The following POU2F1 variants were observed in gnomAD, a reference collection of about 807,000 sequenced individuals.
POU2F1 encodes POU class 2 homeobox 1.
POU2F1 carries 16 observed loss-of-function variants against 84.9 expected under a neutral mutation model. That is an observed-to-expected ratio of 0.19 (90% CI 0.13 to 0.29). The LOEUF (loss-of-function observed/expected upper bound fraction) is 0.29. Among genes scored for constraint, POU2F1 ranks in the 10% least tolerant of loss-of-function variants. The pLI, the probability that POU2F1 is intolerant of heterozygous loss-of-function variation, is 1.00. For missense variants in POU2F1, 738 were observed against 942.6 expected (o/e 0.78, Z 2.84); for synonymous variants, 368 against 368.3 (o/e 1.00, Z 0.01).
chr1:167,425,766 C>T lies in POU2F1; in HGVS notation c.*9956C>T, dbSNP rs1027640403. 1 of 152,216 alleles carries T rather than the reference C, an allele frequency of 6.6e-6. No individual in the cohort carries two copies. Among genetic ancestry groups the T allele is most frequent in the Non-Finnish European group, 1.5e-5 (1 of 68,068 alleles). 9.4% of individuals were successfully genotyped at this position (152,216 alleles called of 1,614,324 possible). On this transcript the variant is annotated 3_prime_UTR_variant, in exon 16 of 16. Coordinates refer to ENST00000367866, the MANE Select transcript of POU2F1 (RefSeq NM_002697.4). ...ATGCACGCCACGGTGCCCTTCTGAG[C>T]CTTTTTTTCTTTTCCTGTACTGGAA...
At chr1:167,306,456 C>A (rs1034362115) in intron 1 of POU2F1, among the ~76,000 whole-genome samples, 1 of 152,074 alleles carries the variant, frequency 6.6e-6, no homozygotes, top group African/African-American at 2.4e-5. Flanking sequence ...AAATATTTAT[C>A]AAGATATAAT....
chr1:167,389,456 G>C, intron 8 of POU2F1, 132 bp from the exon 9 acceptor site: 3 of 860,192 alleles, frequency 3.5e-6, no homozygotes, highest in Non-Finnish European at 3.6e-6. Flanking sequence ...ACATTATGTT[G>C]TACATTCTGT....
At chr1:167,272,160 G>A (rs779302345) in intron 1 of POU2F1, among the ~76,000 whole-genome samples, 1 of 152,122 alleles carries the variant, frequency 6.6e-6, no homozygotes, top group Non-Finnish European at 1.5e-5. Context: ...AGAATGAACA[G>A]TATACAGTTT....
chr1:167,225,670 A>G (rs1208224757), intron 1 of POU2F1, among the ~76,000 whole-genome samples: 1 of 152,254 alleles, frequency 6.6e-6, no homozygotes, highest in African/African-American at 2.4e-5. Flanking sequence ...TCTATTAAAA[A>G]TTGAAATATT....
Position 167,415,572 on chromosome 1 carries a change from G to C in POU2F1, c.2063G>C (p.Gly688Ala), listed in dbSNP as rs1204722069. Residue 688 changes from glycine to alanine, a missense_variant, in exon 16 of 16, where the codon GGA becomes GCA. By Grantham distance (60) the Gly-to-Ala change is moderately conservative (BLOSUM62 0). Around this residue, in one of 4 missense-constraint regions of POU2F1, gnomAD observed 319 missense variants for 386.0 expected, o/e 0.83. Coordinates refer to ENST00000367866, the MANE Select transcript of POU2F1 (RefSeq NM_002697.4). ...ATGNLVFANA[G>A]GAPNIVTAPL... ...GGGAACCTGGTATTTGCCAATGCGGGAGGAGCCCCCAACATCGTGACTGCC... is the reference window on the plus strand; with the variant it reads ...GGGAACCTGGTATTTGCCAATGCGGCAGGAGCCCCCAACATCGTGACTGCC... 3.7e-6 allele frequency: 6 copies of C among 1,614,014 alleles called. No individual in the cohort carries two copies. Among genetic ancestry groups the C allele is most frequent in the Non-Finnish European group, 5.1e-6 (6 of 1,180,040 alleles).
At chr1:167,362,549 A>G (rs1339244660) in intron 2 of POU2F1, among the ~76,000 whole-genome samples, 1 of 152,186 alleles carries the variant, frequency 6.6e-6, no homozygotes, top group Non-Finnish European at 1.5e-5. Context: ...GGGAATAGTT[A>G]GGCCATCACC....
rs572310893 is a variant in POU2F1 at position 167,372,148 on chromosome 1, G to A, written c.402+112G>A. On this transcript the variant is annotated intron_variant, in intron 5 of 15. Transcript: ENST00000367866. The stretch of plus-strand genomic sequence containing the variant: ...GCTGGTAGTAACATGGCTATGCCTG[G>A]CACTATTGTGTCTTTAAGGAACTTC... 673 of 1,354,428 alleles carry A rather than the reference G, an allele frequency of 5.0e-4. 1 individual carries two copies. Among genetic ancestry groups the A allele is most frequent in the Non-Finnish European group, 6.3e-4 (625 of 995,782 alleles). The allele number at this position is 1,354,428 out of a possible 1,614,324, so 83.9% of individuals were successfully genotyped here.
At chr1:167,230,365 C>G (rs1005876993) in intron 1 of POU2F1, among the ~76,000 whole-genome samples, 1 of 152,054 alleles carries the variant, frequency 6.6e-6, no homozygotes, top group Non-Finnish European at 1.5e-5. Flanking sequence ...GTTACTTCAC[C>G]ATGGATTTTT....
rs144501162 is a variant in POU2F1 at position 167,371,934 on chromosome 1, A to G, written c.300A>G (p.Glu100=). ...CACCTCAGTCTAAATCTAATGAAGA[A>G]TCGGGGGATTCGCAGCAGCCAAGCC... ...SLNVQSKSNE[E]SGDSQQPSQP... Residue 100 remains glutamate, a synonymous_variant, in exon 5 of 16, where the codon GAA becomes GAG. Coordinates refer to ENST00000367866, the MANE Select transcript of POU2F1 (RefSeq NM_002697.4). The G allele has an allele frequency of 6.2e-7, 1 of 1,614,088 alleles. No individual in the cohort carries two copies. Among genetic ancestry groups the G allele is most frequent in the Non-Finnish European group, 8.5e-7 (1 of 1,180,024 alleles).
chr1:167,288,853 T>G (rs1166125190), intron 1 of POU2F1, among the ~76,000 whole-genome samples: 4 of 152,224 alleles, frequency 2.6e-5, no homozygotes, highest in African/African-American at 9.6e-5. Context: ...GTTCTCAGAT[T>G]TCACAATCAT....
rs114653406 is a variant in POU2F1, at chr1:167,290,544, T to C, written c.62-41926T>C. Reference sequence around the variant, plus strand: ...TATGTCTGTCCTAACTTGTCATCCATCCAGCTGAAGCGTCTCAAGGTCAGA... The same window carrying C: ...TATGTCTGTCCTAACTTGTCATCCACCCAGCTGAAGCGTCTCAAGGTCAGA... On this transcript the variant is annotated intron_variant, in intron 1 of 15. Transcript: ENST00000367866. Among the ~76,000 whole-genome samples, 482 of 152,352 alleles carry C rather than the reference T, an allele frequency of 3.2e-3. 2 individuals are homozygous for C. The highest frequency in any genetic ancestry group is 0.011 in the African/African-American group (454 of 41,582).
chr1:167,379,683 G>A (rs1187962901), intron 7 of POU2F1: 1 of 152,214 alleles, frequency 6.6e-6, no homozygotes, highest in Admixed American at 6.5e-5. Context: ...GAAAGACTTA[G>A]GAAGGTCAAT....
intron 1 of POU2F1, among the ~76,000 whole-genome samples, chr1:167,262,052 A>C (rs1651606359): frequency 6.6e-6 from 1 of 152,212 alleles, no homozygotes; most frequent in Non-Finnish European, 1.5e-5. Flanking sequence ...TGTACCTAAG[A>C]ATAGAACCTT....
chr1:167,298,898 T>G (rs1654463063), intron 1 of POU2F1, among the ~76,000 whole-genome samples: 1 of 152,148 alleles, frequency 6.6e-6, no homozygotes, highest in South Asian at 2.1e-4. Context: ...GCACGGTGGC[T>G]CATGCCTGTA....
At chr1:167,332,443 A>G in intron 1 of POU2F1, 27 bp from the exon 2 acceptor site, 1 of 1,582,426 alleles carries the variant, frequency 6.3e-7, no homozygotes, top group Non-Finnish European at 8.7e-7. Context: ...TTTTTTAAAA[A>G]CCTTATTCTC....
chr1:167,236,124 G>C (rs188016056), intron 1 of POU2F1, among the ~76,000 whole-genome samples: 5 of 149,584 alleles, frequency 3.3e-5, no homozygotes, highest in Admixed American at 6.7e-5. Context: ...TTTTTTTTTA[G>C]ACAGACGATT....
At chr1:167,279,427 G>T (rs11584337) in intron 1 of POU2F1, among the ~76,000 whole-genome samples, 23,141 of 152,110 alleles carry the variant, frequency 0.15, 2,008 homozygotes, top group Non-Finnish European at 0.2. Flanking sequence ...ACCTACCCTC[G>T]CAATCCAGAT....
chr1:167,368,830 A>G (rs1557932589), intron 3 of POU2F1, among the ~76,000 whole-genome samples: 2 of 152,160 alleles, frequency 1.3e-5, no homozygotes, highest in South Asian at 2.1e-4. Flanking sequence ...CTCCATACCA[A>G]CATTTATATT....
chr1:167,292,703 A>G (rs1281148888), intron 1 of POU2F1, among the ~76,000 whole-genome samples: 1 of 151,966 alleles, frequency 6.6e-6, no homozygotes, highest in East Asian at 1.9e-4. Context: ...ATAAAAATTA[A>G]AAAGAAAACT....
Sources: allele counts gnomAD v4.1 joint callset (sites outside exome capture counted in the v4.1 genomes callset), GRCh38; gene constraint gnomAD v4.1.1; regional missense constraint gnomAD v4.1.1; transcripts MANE v1.5; gene names NCBI Gene and HGNC (gene_info 2026-07-23, HGNC 2026-07-21).